Variants in PVT1 observed in about 807,000 individuals in gnomAD.
The protein encoded by PVT1 is CXCR4/PVT1 fusion.
chr8:127,811,949 A>G (rs1236532548), intron 2 of PVT1, among the ~76,000 whole-genome samples: 1 of 152,016 alleles, frequency 6.6e-6, no homozygotes, highest in African/African-American at 2.4e-5. Flanking sequence ...AAATTGCTTA[A>G]AGAAATGAAC....
chr8:127,838,113 T>G (rs1298009988), intron 2 of PVT1, among the ~76,000 whole-genome samples: 1 of 152,002 alleles, frequency 6.6e-6, no homozygotes, highest in Non-Finnish European at 1.5e-5. Context: ...GTCAGGCTGG[T>G]CTCGAACTCC....
In PVT1 at chr8:128,091,173, G is replaced by A. The variant is rs903933032; in HGVS notation, n.1115-5345G>A. On this transcript the variant is annotated intron_variant and non_coding_transcript_variant, in intron 5 of 10. Transcript: ENST00000651587. ...GGAGGAGTGTTAGGTCCCTGGGGGC[G>A]ATCACTCCTCTGTTTACTCCTCGGA... Among the ~76,000 whole-genome samples, 12 of 152,258 alleles carry A rather than the reference G, an allele frequency of 7.9e-5. No individual in the cohort carries two copies. In the East Asian group the frequency reaches 2.1e-3, roughly 27 times the overall value.
intron 3 of PVT1, chr8:127,932,412 G>A (rs1338923012): frequency 5.0e-6 from 2 of 398,530 alleles, no homozygotes; most frequent in East Asian, 3.6e-5. Flanking sequence ...TCGAACATGG[G>A]AGGACATGCG....
intron 4 of PVT1, among the ~76,000 whole-genome samples, chr8:128,052,904 G>A (rs560507862): frequency 4.6e-5 from 7 of 152,356 alleles, no homozygotes; most frequent in African/African-American, 1.4e-4. Context: ...CTCCTATGAA[G>A]ACAGTAGATG....
intron 2 of PVT1, among the ~76,000 whole-genome samples, chr8:127,817,941 G>A (rs144070675): frequency 9.0e-4 from 137 of 152,274 alleles, no homozygotes; most frequent in African/African-American, 3.2e-3. Flanking sequence ...CAGAGTAAGT[G>A]CTCCCTGCTG....
At chr8:127,882,397 T>C (rs1003480100) in intron 2 of PVT1, among the ~76,000 whole-genome samples, 1 of 152,088 alleles carries the variant, frequency 6.6e-6, no homozygotes, top group African/African-American at 2.4e-5. Context: ...AGAGAAATAA[T>C]GTGAGCACAG....
At chr8:128,081,264 A>G (rs76359893) in intron 5 of PVT1, among the ~76,000 whole-genome samples, 2,204 of 152,326 alleles carry the variant, frequency 0.014, 48 homozygotes, top group African/African-American at 0.049. Flanking sequence ...GGATTTTGAC[A>G]TACCACAGAT....
chr8:127,860,230 G>T (rs1815207692), intron 2 of PVT1, among the ~76,000 whole-genome samples: 1 of 152,180 alleles, frequency 6.6e-6, no homozygotes, highest in Admixed American at 6.5e-5. Flanking sequence ...CCGGCTCCTG[G>T]CAGAATCGGC....
intron 3 of PVT1, among the ~76,000 whole-genome samples, chr8:127,932,293 G>A (rs1816216091): frequency 1.3e-5 from 2 of 152,200 alleles, no homozygotes; most frequent in Admixed American, 1.3e-4. Flanking sequence ...CATTACTAAC[G>A]GGTGTCTGCT....
chr8:127,799,918 G>A (rs575951239), intron 2 of PVT1, among the ~76,000 whole-genome samples: 24 of 152,204 alleles, frequency 1.6e-4, no homozygotes, highest in Non-Finnish European at 3.4e-4. Context: ...ACAAGCCCTG[G>A]CTTATGTAAG....
At chr8:128,027,350 C>A (rs1813315579) in intron 4 of PVT1, among the ~76,000 whole-genome samples, 2 of 152,216 alleles carry the variant, frequency 1.3e-5, no homozygotes, top group African/African-American at 4.8e-5. Flanking sequence ...TGGAACCTCT[C>A]ACCCACAAGG....
At chr8:127,905,278 T>C (rs1356681413) in intron 3 of PVT1, among the ~76,000 whole-genome samples, 1 of 151,154 alleles carries the variant, frequency 6.6e-6, no homozygotes, top group African/African-American at 2.5e-5. Context: ...CATGGGCAAA[T>C]GCCATGGGCT....
At chr8:127,985,028 T>TCCTC (rs1816947154) in intron 3 of PVT1, among the ~76,000 whole-genome samples, 1 of 143,942 alleles carries the variant, frequency 6.9e-6, no homozygotes, top group Non-Finnish European at 1.5e-5. Context: ...CTTCCTTCCT[T>TCCTC]CCTTCCTTTC....
chr8:127,809,479 C>G (rs1018673731), intron 2 of PVT1, among the ~76,000 whole-genome samples: 5 of 152,164 alleles, frequency 3.3e-5, no homozygotes, highest in Non-Finnish European at 7.3e-5. Flanking sequence ...CAGGAATGAG[C>G]CATCATGCTC....
At chr8:127,824,805 T>C (rs1814768785) in intron 2 of PVT1, among the ~76,000 whole-genome samples, 1 of 152,144 alleles carries the variant, frequency 6.6e-6, no homozygotes, top group South Asian at 2.1e-4. Flanking sequence ...CCCAATTTTA[T>C]CTGCACTATT....
chr8:127,997,422 C>T (rs777945460), intron 4 of PVT1, among the ~76,000 whole-genome samples: 1 of 152,086 alleles, frequency 6.6e-6, no homozygotes, highest in Non-Finnish European at 1.5e-5. Flanking sequence ...CTCCCAGCTT[C>T]GACATTACAC....
intron 4 of PVT1, among the ~76,000 whole-genome samples, chr8:128,000,519 G>A (rs936764954): frequency 2.6e-5 from 4 of 152,196 alleles, no homozygotes; most frequent in Admixed American, 6.5e-5. Flanking sequence ...CCAGTATAAA[G>A]GGGGAAATGG....
chr8:127,848,473 C>A (rs1445521936), intron 2 of PVT1, among the ~76,000 whole-genome samples: 1 of 151,902 alleles, frequency 6.6e-6, no homozygotes, highest in Non-Finnish European at 1.5e-5. Context: ...CACCTGAGGT[C>A]GGGAGTTCAA....
intron 3 of PVT1, among the ~76,000 whole-genome samples, chr8:127,893,116 CTG>C (rs1002727437): frequency 6.6e-6 from 1 of 152,188 alleles, no homozygotes; most frequent in African/African-American, 2.4e-5. Flanking sequence ...GATTCCTTCT[CTG>C]TGTCAGCAAG....
Sources: allele counts gnomAD v4.1 joint callset (sites outside exome capture counted in the v4.1 genomes callset), GRCh38; gene constraint gnomAD v4.1.1; transcripts MANE v1.5; gene names NCBI Gene and HGNC (gene_info 2026-07-23, HGNC 2026-07-21).